Variants in PDZD2 observed in about 807,000 individuals in gnomAD.
PDZD2 encodes the protein PDZ domain containing 2.
A neutral mutation model predicts 220.7 loss-of-function variants in PDZD2; 90 were observed. That is an observed-to-expected ratio of 0.41 (90% CI 0.34 to 0.49). The LOEUF is 0.49. PDZD2 is among the 20% of genes least tolerant of loss of function. PDZD2 has a pLI of 0.28. For synonymous variants in PDZD2, 1,375 were observed against 1,450.5 expected (o/e 0.95, Z 1.18); for missense variants, 3,174 against 3,608.5 (o/e 0.88, Z 3.08).
At chr5:31,691,218 G>C (rs1333505939) in intron 1 of PDZD2, among the ~76,000 whole-genome samples, 1 of 152,074 alleles carries the variant, frequency 6.6e-6, no homozygotes, top group African/African-American at 2.4e-5. Context: ...TTCGCGGTGA[G>C]TGTTACAGCT....
At position 32,088,079 on chromosome 5, in the gene PDZD2, C is replaced by T. The variant is rs572348135; in HGVS notation, c.4631C>T (p.Thr1544Met). The T allele has an allele frequency of 1.7e-5, 27 of 1,613,876 alleles. No homozygotes were observed. In the South Asian group the frequency reaches 1.9e-4, roughly 11 times the overall value. Residue 1544 changes from threonine (T) to methionine (M), a missense_variant, in exon 20 of 25, where the codon ACG (threonine) becomes ATG (methionine). Thr to Met is a moderately conservative substitution (Grantham distance 81). Around this residue, in one of 4 missense-constraint regions of PDZD2, gnomAD observed 1,861 missense variants for 2,001.0 expected, o/e 0.93. Transcript: ENST00000438447. The surrounding 1 kb of genome is among the most constrained non-coding windows in gnomAD (Gnocchi z 4.6). ...STSLSGLGDS[T>M]EPSLSSMYGD... Reference sequence around the variant, plus strand: ...TCCCTATCAGGCCTGGGTGACAGCACGGAGCCGTCTCTGTCATCCATGTAT... The same window carrying T: ...TCCCTATCAGGCCTGGGTGACAGCATGGAGCCGTCTCTGTCATCCATGTAT...
chr5:31,954,022 A>G (rs1463793427), intron 2 of PDZD2, among the ~76,000 whole-genome samples: 1 of 152,114 alleles, frequency 6.6e-6, no homozygotes, highest in East Asian at 1.9e-4. Context: ...AGGCGGAGAC[A>G]GAAGGATCAC....
At chr5:31,945,891 AG>A (rs1746589590) in intron 2 of PDZD2, among the ~76,000 whole-genome samples, 1 of 152,054 alleles carries the variant, frequency 6.6e-6, no homozygotes, top group Admixed American at 6.6e-5. Context: ...TCTACTCTTG[AG>A]GTAAACTCTC....
At chr5:31,834,556 T>C (rs1458488291) in intron 2 of PDZD2, among the ~76,000 whole-genome samples, 1 of 152,198 alleles carries the variant, frequency 6.6e-6, no homozygotes, top group East Asian at 1.9e-4. Context: ...CATACCTTTC[T>C]GCTACCCAGC....
intron 2 of PDZD2, among the ~76,000 whole-genome samples, chr5:31,974,871 T>C (rs10940989): frequency 0.97 from 148,260 of 152,298 alleles, 72,291 homozygotes; most frequent in African/African-American, 0.99. Context: ...GAGCCATGAT[T>C]GTGCTACTGC....
intron 2 of PDZD2, among the ~76,000 whole-genome samples, chr5:31,938,555 G>T (rs565880794): frequency 2.1e-4 from 32 of 152,238 alleles, no homozygotes; most frequent in African/African-American, 7.7e-4. Flanking sequence ...ACCCATTGGG[G>T]ACCAAAACTC....
rs558782694 is a variant in PDZD2, at chr5:31,938,089, C to G, written c.477-45066C>G. ...CTGGTTGGTCTGTTGATTTCCGCCC[C>G]CATTTAGAGACAGAGTTTCACTCTG... On this transcript the variant is annotated intron_variant, in intron 2 of 24. Transcript: ENST00000438447. 3.9e-5 allele frequency among the ~76,000 whole-genome samples: 6 copies of G among 152,314 alleles called. No homozygotes were observed. In the South Asian group the frequency reaches 1.2e-3, roughly 32 times the overall value.
rs1743980868 is a variant in PDZD2 at position 32,098,866 on chromosome 5, T to C, written c.8218+232T>C. On this transcript the variant is annotated intron_variant, in intron 23 of 24. Transcript: ENST00000438447. This position sits in a 1 kb window ranked among gnomAD's most constrained non-coding sequence, Gnocchi z 4.1. The stretch of plus-strand genomic sequence containing the variant: ...GTAGTTCAAGCTGTACTGTGGAAGA[T>C]TTAAAATGACTGCAGAACAGTTTCC... Among the ~76,000 whole-genome samples, 1 of 152,198 alleles carries C rather than the reference T, an allele frequency of 6.6e-6. No homozygotes were observed. Among genetic ancestry groups the C allele is most frequent in the African/African-American group, 2.4e-5 (1 of 41,466 alleles).
chr5:31,929,419 A>G (rs1745058124), intron 2 of PDZD2, among the ~76,000 whole-genome samples: 1 of 152,224 alleles, frequency 6.6e-6, no homozygotes. Flanking sequence ...CTGCCACTAG[A>G]TGCCAGCAGC....
intron 1 of PDZD2, among the ~76,000 whole-genome samples, chr5:31,755,211 A>T (rs35395041): frequency 0.56 from 84,552 of 151,434 alleles, 24,177 homozygotes; most frequent in East Asian, 0.93. Context: ...AACAGCTCCT[A>T]ATTTTGCTGG....
intron 2 of PDZD2, among the ~76,000 whole-genome samples, chr5:31,949,097 C>CAAAA (rs34780210): frequency 1.6e-4 from 9 of 54,984 alleles, no homozygotes; most frequent in South Asian, 1.0e-3. Flanking sequence ...GACTCTGTCT[C>CAAAA]AAAAAAAAAA....
chr5:31,850,312 C>T (rs147391349), intron 2 of PDZD2, among the ~76,000 whole-genome samples: 124 of 123,820 alleles, frequency 1.0e-3, no homozygotes, highest in African/African-American at 3.2e-3. Flanking sequence ...ATATTTTTAG[C>T]GATGCCCATC....
chr5:31,935,935 A>G (rs897660890), intron 2 of PDZD2, among the ~76,000 whole-genome samples: 1 of 152,168 alleles, frequency 6.6e-6, no homozygotes, highest in Admixed American at 6.5e-5. Context: ...GTCTGCTGGG[A>G]TATGATTTCC....
At chr5:31,724,084 A>C (rs73749650) in intron 1 of PDZD2, among the ~76,000 whole-genome samples, 148 of 152,296 alleles carry the variant, frequency 9.7e-4, no homozygotes, top group African/African-American at 3.2e-3. Flanking sequence ...GAAACAATTT[A>C]CTTGCTTCTA....
rs1202902625 is a variant in PDZD2 at position 31,930,059 on chromosome 5, C to G, written c.477-53096C>G. Among the ~76,000 whole-genome samples, 3 of 152,104 alleles carry G rather than the reference C, an allele frequency of 2.0e-5. No homozygotes were observed. In the East Asian group the frequency reaches 5.8e-4, roughly 29 times the overall value. On this transcript the variant is annotated intron_variant, in intron 2 of 24. Transcript: ENST00000438447. ...AGTGCCTGCTTCTGCTCCCTTTTTG[C>G]CTTCTGCCACGAGTGAAAGCATTCT...
chr5:32,037,829 T>C (rs999604220), intron 7 of PDZD2, among the ~76,000 whole-genome samples: 1 of 145,732 alleles, frequency 6.9e-6, no homozygotes, highest in African/African-American at 2.5e-5. Context: ...AACTTTTGTG[T>C]ATCATTATGA....
chr5:31,727,316 A>C (rs1468154447), intron 1 of PDZD2, among the ~76,000 whole-genome samples: 3 of 152,200 alleles, frequency 2.0e-5, no homozygotes, highest in Non-Finnish European at 4.4e-5. Flanking sequence ...CTTTTGGGCC[A>C]CTGTGAGAGT....
chr5:32,072,420 C>A, intron 17 of PDZD2, 103 bp downstream of exon 17: 2 of 924,652 alleles, frequency 2.2e-6, no homozygotes, highest in Non-Finnish European at 1.6e-6. Context: ...TACCCTGGCG[C>A]TGTAATACGA....
At chr5:31,803,261 C>CTTTTTTTTTTT (rs759569783) in intron 2 of PDZD2, among the ~76,000 whole-genome samples, 3 of 92,246 alleles carry the variant, frequency 3.3e-5, no homozygotes, top group Admixed American at 1.4e-4. Flanking sequence ...CTGCATCTGG[C>CTTTTTTTTTTT]TTTTTTTTTT....
Sources: gnomAD v4.1 joint callset for allele counts (sites outside exome capture counted in the v4.1 genomes callset) on GRCh38, gnomAD v4.1.1 for gene constraint, gnomAD v4.1.1 regional missense constraint, Gnocchi (gnomAD v3.1) non-coding constraint, MANE v1.5 for transcripts, NCBI Gene and HGNC (gene_info 2026-07-23, HGNC 2026-07-21) for gene names.